The following FRMD6 variants were observed in gnomAD, a reference collection of about 807,000 sequenced individuals.
FRMD6 encodes the protein FERM domain containing 6, also known as FERM domain-containing protein 6.
FRMD6 carries 37 observed loss-of-function variants against 73.2 expected under a neutral mutation model. The ratio of observed to expected loss-of-function variants is 0.51; its 90% CI spans 0.39 to 0.66. The LOEUF is 0.66. FRMD6 is among the 30% of genes least tolerant of loss of function. The probability of loss-of-function intolerance (pLI) is 0.00; values close to 1 mark genes in which losing one functional copy is unlikely to be tolerated. For synonymous variants in FRMD6, 273 were observed against 282.2 expected, an observed-to-expected ratio of 0.97 and a Z score of 0.33; for missense variants, 714 against 780.5, an observed-to-expected ratio of 0.91 and a Z score of 1.02.
chr14:51,437,430 G>A, the FRMD6 span, among the ~76,000 whole-genome samples: 3 of 152,178 alleles, frequency 2.0e-5, no homozygotes, highest in Admixed American at 2.0e-4. Flanking sequence ...AGCCTCCCGA[G>A]TAGCTGGGAC....
chr14:51,568,858 T>C (rs1887929550), intron 1 of FRMD6, among the ~76,000 whole-genome samples: 2 of 151,876 alleles, frequency 1.3e-5, no homozygotes, highest in Non-Finnish European at 2.9e-5. Flanking sequence ...TTTTTTTTTT[T>C]TTTTGAGATG....
At chr14:51,662,630 C>T (rs1893299168) in intron 1 of FRMD6, among the ~76,000 whole-genome samples, 1 of 152,166 alleles carries the variant, frequency 6.6e-6, no homozygotes. Context: ...CTCCTTATAC[C>T]ATATACAAAA....
At chr14:51,540,725 G>T (rs1458667671) in intron 1 of FRMD6, among the ~76,000 whole-genome samples, 1 of 139,172 alleles carries the variant, frequency 7.2e-6, no homozygotes, top group Non-Finnish European at 1.5e-5. Context: ...AGTTGGAGTA[G>T]ATAATTTATT....
intron 5 of FRMD6, among the ~76,000 whole-genome samples, chr14:51,703,064 G>T (rs1010737794): frequency 7.9e-5 from 12 of 151,880 alleles, no homozygotes; most frequent in Admixed American, 7.2e-4. Context: ...TCATGTTTGG[G>T]GTCTTGTTTA....
chr14:51,667,398 G>T (rs916826163), intron 1 of FRMD6, among the ~76,000 whole-genome samples: 2 of 152,006 alleles, frequency 1.3e-5, no homozygotes, highest in African/African-American at 4.8e-5. Flanking sequence ...AAAAAAACTC[G>T]GCAGTGAATT....
At chr14:51,397,489 A>G in the FRMD6 span, among the ~76,000 whole-genome samples, 1 of 152,244 alleles carries the variant, frequency 6.6e-6, no homozygotes, top group Non-Finnish European at 1.5e-5. Context: ...CTTGCAAAGT[A>G]TATGTGTGTG....
intron 2 of FRMD6, among the ~76,000 whole-genome samples, chr14:51,606,678 T>C (rs545933019): frequency 8.6e-5 from 13 of 151,956 alleles, no homozygotes; most frequent in African/African-American, 3.1e-4. Context: ...AGGATAAATA[T>C]AGGGAGAGAT....
At chr14:51,727,346 C>T (rs750132584) in intron 13 of FRMD6, among the ~76,000 whole-genome samples, 7 of 151,408 alleles carry the variant, frequency 4.6e-5, no homozygotes, top group Admixed American at 4.6e-4. Context: ...ACCTATATGA[C>T]CTTATTTCAA....
At chr14:51,549,322 G>A (rs951711236) in intron 1 of FRMD6, among the ~76,000 whole-genome samples, 8 of 152,170 alleles carry the variant, frequency 5.3e-5, no homozygotes, top group African/African-American at 2.4e-5. Flanking sequence ...CAGATTTTTT[G>A]TGTTATTCCA....
chr14:51,436,521 G>T, the FRMD6 span: 1 of 651,528 alleles, frequency 1.5e-6, no homozygotes, highest in South Asian at 1.6e-5. Context: ...TGAGAGAGGT[G>T]ATCCATCTTC....
At chr14:51,420,167 T>A in the FRMD6 span, among the ~76,000 whole-genome samples, 154 of 152,324 alleles carry the variant, frequency 1.0e-3, no homozygotes, top group Non-Finnish European at 1.5e-3. Flanking sequence ...ATCCTTTATC[T>A]CTCAGAGTCC....
rs1893523244 is a variant in FRMD6, at chr14:51,665,543, C to T, written c.-147+13547C>T. The stretch of plus-strand genomic sequence containing the variant: ...CGCTGCGTCCGAGCTGCATGTTGCT[C>T]ATGTCACATCATTGGAACTTAGCAC... On this transcript the variant is annotated intron_variant, in intron 1 of 13. Transcript: ENST00000344768. Among the ~76,000 whole-genome samples, 3 of 152,238 alleles carry T rather than the reference C, an allele frequency of 2.0e-5. No individual in the cohort carries two copies. In the South Asian group the frequency reaches 6.2e-4, roughly 32 times the overall value.
the FRMD6 span, among the ~76,000 whole-genome samples, chr14:51,460,273 T>C: frequency 4.8e-3 from 725 of 152,276 alleles, 6 homozygotes; most frequent in African/African-American, 0.017. Flanking sequence ...GAGGGAACTG[T>C]TGGGGGAACT....
At chr14:51,425,346 G>A in the FRMD6 span, among the ~76,000 whole-genome samples, 228 of 152,150 alleles carry the variant, frequency 1.5e-3, no homozygotes, top group African/African-American at 5.3e-3. Context: ...GACCCTGCAC[G>A]CCCCAGGATT....
chr14:51,517,516 A>G (rs1884698641), intron 1 of FRMD6, among the ~76,000 whole-genome samples: 1 of 152,162 alleles, frequency 6.6e-6, no homozygotes. Flanking sequence ...GATAAATTTA[A>G]TTGTGTTTTT....
the FRMD6 span, among the ~76,000 whole-genome samples, chr14:51,426,403 C>T: frequency 6.6e-5 from 10 of 152,064 alleles, no homozygotes; most frequent in South Asian, 2.1e-4. Context: ...AATTAGACCC[C>T]GCTCTCTCAG....
the FRMD6 span, among the ~76,000 whole-genome samples, chr14:51,455,671 A>G: frequency 2.0e-5 from 3 of 152,268 alleles, no homozygotes; most frequent in East Asian, 5.8e-4. Flanking sequence ...GCAGGAGAAC[A>G]CTGGGCAGAG....
At chr14:51,661,810 A>G (rs1893237431) in intron 1 of FRMD6, among the ~76,000 whole-genome samples, 1 of 152,216 alleles carries the variant, frequency 6.6e-6, no homozygotes. Context: ...TAAAAAATTT[A>G]TGAAAGATAA....
At chr14:51,631,807 C>T (rs949305860) in intron 2 of FRMD6, among the ~76,000 whole-genome samples, 6 of 152,146 alleles carry the variant, frequency 3.9e-5, no homozygotes, top group Non-Finnish European at 7.4e-5. Flanking sequence ...TACTAGTTAA[C>T]ACCACAGGGT....
Sources: allele counts gnomAD v4.1 joint callset (sites outside exome capture counted in the v4.1 genomes callset), GRCh38; gene constraint gnomAD v4.1.1; transcripts MANE v1.5; gene names NCBI Gene and HGNC (gene_info 2026-07-23, HGNC 2026-07-21).